The following MCTP1 variants were observed in gnomAD, a reference collection of about 807,000 sequenced individuals.
MCTP1 encodes multiple C2 and transmembrane domain containing 1.
Under a neutral mutation model 120.6 loss-of-function variants are expected in MCTP1, and 69 were observed. The observed-to-expected ratio is 0.57, with a 90% CI of 0.47 to 0.70. MCTP1 has a LOEUF of 0.70. Ranked by LOEUF, MCTP1 falls within the 30% of genes least tolerant of loss-of-function variation. The pLI is 0.00. For missense variants in MCTP1, 1,203 were observed against 1,248.8 expected (o/e 0.96, Z 0.55); for synonymous variants, 529 against 493.1 (o/e 1.07, Z -0.96).
At chr5:95,084,286 C>G (rs1054529302) in intron 1 of MCTP1, among the ~76,000 whole-genome samples, 1 of 152,056 alleles carries the variant, frequency 6.6e-6, no homozygotes, top group African/African-American at 2.4e-5. Context: ...GTACATTGTA[C>G]TCACTCTAAG....
chr5:94,952,658 C>T (rs927602403), intron 3 of MCTP1, among the ~76,000 whole-genome samples: 1 of 152,136 alleles, frequency 6.6e-6, no homozygotes, highest in African/African-American at 2.4e-5. Context: ...GAATAGGGCT[C>T]AGAATAGGAA....
At chr5:95,091,690 T>C (rs1456635532) in intron 1 of MCTP1, among the ~76,000 whole-genome samples, 2 of 152,180 alleles carry the variant, frequency 1.3e-5, no homozygotes, top group Non-Finnish European at 1.5e-5. Context: ...AACTCTAACA[T>C]CTATCTGACT....
At chr5:94,855,756 A>G (rs1053110162) in intron 17 of MCTP1, among the ~76,000 whole-genome samples, 1 of 151,744 alleles carries the variant, frequency 6.6e-6, no homozygotes, top group Admixed American at 6.6e-5. Context: ...ATGGCTTGTT[A>G]ATGTTATTTT....
At chr5:94,858,827 A>G (rs902421976) in intron 17 of MCTP1, among the ~76,000 whole-genome samples, 7 of 151,674 alleles carry the variant, frequency 4.6e-5, no homozygotes, top group African/African-American at 1.5e-4. Context: ...TGCATTAGGA[A>G]GGTGCACTAT....
Position 94,809,551 on chromosome 5 carries a change from T to C in MCTP1, c.2437-10419A>G, listed in dbSNP as rs77555707. Among the ~76,000 whole-genome samples the C allele has an allele frequency of 7.5e-3, 1,144 of 152,242 alleles. 9 individuals are homozygous for C. Among genetic ancestry groups the C allele is most frequent in the Middle Eastern group, 0.017 (5 of 294 alleles). ...ATTAGAAATTAGTCTGTTACCTTTG[T>C]AGTTTGTAATGCCTACCACGGTATC... On this transcript the variant is annotated intron_variant, in intron 17 of 22. Coordinates refer to ENST00000515393, the MANE Select transcript of MCTP1 (RefSeq NM_024717.7).
chr5:94,957,111 T>A (rs1822834302), intron 2 of MCTP1, among the ~76,000 whole-genome samples: 1 of 152,122 alleles, frequency 6.6e-6, no homozygotes, highest in African/African-American at 2.4e-5. Context: ...GGGCCAATAT[T>A]CAACATTCTT....
intron 1 of MCTP1, among the ~76,000 whole-genome samples, chr5:95,018,108 A>C (rs1209631097): frequency 6.6e-6 from 1 of 152,114 alleles, no homozygotes; most frequent in Non-Finnish European, 1.5e-5. Context: ...TAGATCTAAA[A>C]ATGTTTGTGA....
chr5:94,948,454 T>C (rs1431113217), intron 3 of MCTP1, among the ~76,000 whole-genome samples: 2 of 152,196 alleles, frequency 1.3e-5, no homozygotes, highest in Non-Finnish European at 2.9e-5. Context: ...TTTTGTTTCA[T>C]TGCTGATTTT....
chr5:94,899,568 T>G (rs1244784487), intron 10 of MCTP1, among the ~76,000 whole-genome samples: 5 of 152,254 alleles, frequency 3.3e-5, no homozygotes, highest in African/African-American at 1.2e-4. Flanking sequence ...AGATTGTATC[T>G]GGCTCCCAGA....
At chr5:95,264,892 G>A (rs1029999345) in intron 1 of MCTP1, among the ~76,000 whole-genome samples, 8 of 152,154 alleles carry the variant, frequency 5.3e-5, no homozygotes, top group African/African-American at 9.7e-5. Context: ...AAGGTGGCAG[G>A]GGGTGGTGGG....
chr5:95,181,374 A>T (rs942414248), intron 1 of MCTP1, among the ~76,000 whole-genome samples: 1 of 151,756 alleles, frequency 6.6e-6, no homozygotes, highest in Non-Finnish European at 1.5e-5. Flanking sequence ...CTTTTGGGGG[A>T]TTTGCATTTG....
rs1759651771 is a variant in MCTP1 at position 95,138,681 on chromosome 5, T to C, written c.721-121197A>G. On this transcript the variant is annotated intron_variant, in intron 1 of 22. Coordinates refer to ENST00000515393, the MANE Select transcript of MCTP1 (RefSeq NM_024717.7). ...TGACTGCCATGTGAGCCGCCGTCCC[T>C]CCAGCTGCCCTCACTCCACCGGCTG... 4.6e-5 allele frequency among the ~76,000 whole-genome samples: 7 copies of C among 152,138 alleles called. No homozygotes were observed. The South Asian group carries it at 1.5e-3, about 32-fold the overall frequency.
chr5:94,911,119 A>G (rs556034764), intron 9 of MCTP1, among the ~76,000 whole-genome samples: 6 of 152,322 alleles, frequency 3.9e-5, no homozygotes, highest in African/African-American at 1.4e-4. Flanking sequence ...TACCTTAAGT[A>G]CTAGTGAAAA....
At chr5:95,273,674 TC>T (rs1200691206) in intron 1 of MCTP1, among the ~76,000 whole-genome samples, 2 of 152,198 alleles carry the variant, frequency 1.3e-5, no homozygotes, top group Non-Finnish European at 2.9e-5. Flanking sequence ...TCAAATAACT[TC>T]AAGAATAGGA....
intron 2 of MCTP1, among the ~76,000 whole-genome samples, chr5:94,998,405 T>C (rs1390001250): frequency 6.6e-6 from 1 of 152,184 alleles, no homozygotes; most frequent in Non-Finnish European, 1.5e-5. Context: ...TTAACTACTA[T>C]AAGGTCTGTT....
At chr5:95,096,560 G>C (rs1756282541) in intron 1 of MCTP1, among the ~76,000 whole-genome samples, 1 of 152,078 alleles carries the variant, frequency 6.6e-6, no homozygotes, top group Non-Finnish European at 1.5e-5. Context: ...AGAGAAAGGG[G>C]AAAGCAAAGA....
intron 12 of MCTP1, among the ~76,000 whole-genome samples, chr5:94,881,038 T>TTA (rs1263521418): frequency 6.6e-6 from 1 of 152,132 alleles, no homozygotes; most frequent in African/African-American, 2.4e-5. Context: ...CTTCCTGATC[T>TTA]ATAGAGGATA....
rs1438848598 is a variant in MCTP1 at position 94,942,365 on chromosome 5, T to C, written c.1044A>G (p.Thr348=). 6.2e-7 allele frequency: 1 copy of C among 1,611,250 alleles called. No homozygotes were observed. Among genetic ancestry groups the C allele is most frequent in the Admixed American group, 1.7e-5 (1 of 59,840 alleles). The part of the protein sequence containing the change: ...DFMGSAFLDL[T]QLELNRPTDV... ...AAAGTTACCTGTTTAACTCCAATTGTGTCAGATCCAGAAAGGCTGAGCCCA... is the reference window on the plus strand; with the variant it reads ...AAAGTTACCTGTTTAACTCCAATTGCGTCAGATCCAGAAAGGCTGAGCCCA... The change falls in exon 4 of 23, where the codon ACA becomes ACG. Residue 348 remains threonine (T), a synonymous_variant. Coordinates refer to ENST00000515393, the MANE Select transcript of MCTP1 (RefSeq NM_024717.7).
At chr5:94,911,625 A>G (rs1199113907) in intron 9 of MCTP1, among the ~76,000 whole-genome samples, 1 of 152,222 alleles carries the variant, frequency 6.6e-6, no homozygotes, top group African/African-American at 2.4e-5. Flanking sequence ...TACAGCTTGC[A>G]GAACTGGGAG....
Sources: allele counts gnomAD v4.1 joint callset (sites outside exome capture counted in the v4.1 genomes callset), GRCh38; gene constraint gnomAD v4.1.1; transcripts MANE v1.5; gene names NCBI Gene and HGNC (gene_info 2026-07-23, HGNC 2026-07-21).